Variants in RELCH observed in about 807,000 individuals in gnomAD.
The protein encoded by RELCH is RAB11-binding protein RELCH.
Under a neutral mutation model 150.3 loss-of-function variants are expected in RELCH, and 41 were observed. The ratio of observed to expected loss-of-function variants is 0.27; its 90% CI spans 0.21 to 0.35. RELCH has a LOEUF of 0.35. RELCH is among the 10% of genes least tolerant of loss of function. RELCH has a pLI of 1.00. For synonymous variants in RELCH, 478 were observed against 531.8 expected, an observed-to-expected ratio of 0.90 and a Z score of 1.39; for missense variants, 1,092 against 1,467.8, an observed-to-expected ratio of 0.74 and a Z score of 4.18.
intron 12 of RELCH, among the ~76,000 whole-genome samples, chr18:62,254,107 G>T (rs1205093967): frequency 6.6e-6 from 1 of 151,914 alleles, no homozygotes; most frequent in Non-Finnish European, 1.5e-5. Context: ...TGAATTTTAG[G>T]ATCATTTTTC....
rs1246285113 is a variant in RELCH, at chr18:62,275,357, T to G, written c.2868-17T>G. 6.2e-6 allele frequency: 9 copies of G among 1,453,402 alleles called. No homozygotes were observed. Among genetic ancestry groups the G allele is most frequent in the Non-Finnish European group, 7.5e-6 (8 of 1,072,586 alleles). 90.0% of individuals were successfully genotyped at this position (1,453,402 alleles called of 1,614,324 possible). A position where few individuals can be genotyped will look rare whatever the true frequency, so the allele number is the denominator to read the frequency against. On this transcript the variant is annotated splice_polypyrimidine_tract_variant and intron_variant, in intron 21 of 28. Transcript: ENST00000644646. ...GTGGCTCTCAATTTTAACACTGTTT[T>G]TTTTTTTTTCTTCTAGTGCAAACCC... is the stretch of plus-strand genomic sequence containing the variant.
intron 20 of RELCH, chr18:62,269,424 T>A: frequency 2.3e-6 from 1 of 435,076 alleles, no homozygotes; most frequent in Middle Eastern, 3.5e-4. Context: ...AAGGAGTATT[T>A]GCATATACAT....
At chr18:62,267,434 A>ATGTGTGTGTGTG (rs145946546) in intron 19 of RELCH, among the ~76,000 whole-genome samples, 1 of 143,430 alleles carries the variant, frequency 7.0e-6, no homozygotes, top group Non-Finnish European at 1.5e-5. Context: ...GTATATATGT[A>ATGTGTGTGTGTG]TGTGTGTGTG....
rs539205440 is a variant in RELCH at position 62,196,323 on chromosome 18, G to T, written c.526+8292G>T. On this transcript the variant is annotated intron_variant, in intron 1 of 28. Coordinates refer to ENST00000644646, the MANE Select transcript of RELCH (RefSeq NM_001346231.2). The stretch of plus-strand genomic sequence containing the variant: ...TGGCTCGCTGCAACCTCTGCCTCCT[G>T]GGTTCAAGTGACTCTGGTGCCTCAG... Among the ~76,000 whole-genome samples, 24 of 152,222 alleles carry T rather than the reference G, an allele frequency of 1.6e-4. 1 individual carries two copies. Among genetic ancestry groups the T allele is most frequent in the Admixed American group, 1.0e-3 (16 of 15,298 alleles).
chr18:62,227,195 T>TA (rs35190394), intron 5 of RELCH, 94 bp from the exon 6 acceptor site: 7,310 of 724,664 alleles, frequency 0.01, 1 homozygote, highest in East Asian at 0.018. Flanking sequence ...AAACCGATCT[T>TA]AAAAAAAAAA....
chr18:62,274,176 G>C (rs1296146757), intron 21 of RELCH, 90 bp downstream of exon 21: 3 of 757,470 alleles, frequency 4.0e-6, no homozygotes, highest in Non-Finnish European at 6.7e-6. Context: ...TAAAAGAGTT[G>C]ACATGCACAC....
chr18:62,298,723 CATT>C, intron 27 of RELCH, 64 bp from the exon 28 acceptor site: 1 of 754,142 alleles, frequency 1.3e-6, no homozygotes, highest in Non-Finnish European at 2.2e-6. Context: ...AAAATTAAAA[CATT>C]AGATTAAACC....
Position 62,227,355 on chromosome 18 carries a change from C to T in RELCH, c.925C>T (p.Arg309Trp), listed in dbSNP as rs1395882884. The stretch of plus-strand genomic sequence containing the variant: ...ACCTCCAGACTTATTGCAACTCTAC[C>T]GGGATTTTGGAAATCATCAAGTAAC... ...PKPPDLLQLY[R>W]DFGNHQVTGK... Residue 309 changes from arginine to tryptophan, a missense_variant, in exon 6 of 29, where the codon CGG (arginine) becomes TGG (tryptophan). Transcript: ENST00000644646. The T allele has an allele frequency of 2.5e-6, 4 of 1,612,060 alleles. No individual in the cohort carries two copies. The highest frequency in any genetic ancestry group is 3.4e-6 in the Non-Finnish European group (4 of 1,178,698).
intron 20 of RELCH, among the ~76,000 whole-genome samples, chr18:62,271,427 T>C (rs1365943392): frequency 2.0e-5 from 3 of 147,652 alleles, no homozygotes; most frequent in African/African-American, 8.1e-5. Flanking sequence ...CACACACTTT[T>C]TGATGGGGTT....
chr18:62,273,460 G>A (rs574604698), intron 20 of RELCH, among the ~76,000 whole-genome samples: 1 of 152,028 alleles, frequency 6.6e-6, no homozygotes, highest in African/African-American at 2.4e-5. Context: ...TCTACAACGG[G>A]GTAACTATTC....
intron 20 of RELCH, among the ~76,000 whole-genome samples, chr18:62,273,050 G>C (rs184043806): frequency 1.3e-5 from 2 of 150,964 alleles, no homozygotes; most frequent in East Asian, 3.9e-4. Context: ...AAAAAAAAAG[G>C]ATAGGTGGTA....
chr18:62,262,290 C>A (rs1001891936), intron 16 of RELCH, among the ~76,000 whole-genome samples: 1 of 151,978 alleles, frequency 6.6e-6, no homozygotes, highest in African/African-American at 2.4e-5. Context: ...CCCTGTTGCA[C>A]CTTAACGTCC....
At chr18:62,230,740 T>G (rs2041517158) in intron 8 of RELCH, among the ~76,000 whole-genome samples, 1 of 152,092 alleles carries the variant, frequency 6.6e-6, no homozygotes, top group South Asian at 2.1e-4. Context: ...ATATTCAGAT[T>G]TATCATTAGC....
Position 62,275,375 on chromosome 18 carries a change from G to C in RELCH, c.2869G>C (p.Ala957Pro). Residue 957 changes from alanine to proline, a missense_variant and splice_region_variant, in exon 22 of 29, where the codon GCA becomes CCA. Coordinates refer to ENST00000644646, the MANE Select transcript of RELCH (RefSeq NM_001346231.2). ...ACTGTTTTTTTTTTTTTCTTCTAGT[G>C]CAAACCCAGCCTACCATGAGTTACT... ...SLKASFVELG[A>P]NPAYHELLLT... The C allele has an allele frequency of 6.7e-7, 1 of 1,492,408 alleles. No individual in the cohort carries two copies. Among genetic ancestry groups the C allele is most frequent in the Non-Finnish European group, 9.0e-7 (1 of 1,116,870 alleles). The allele number at this position is 1,492,408 out of a possible 1,614,324, so 92.4% of individuals were successfully genotyped here.
intron 7 of RELCH, 144 bp from the exon 8 acceptor site, chr18:62,228,161 T>C (rs1355431002): frequency 3.1e-6 from 2 of 647,692 alleles, no homozygotes; most frequent in Non-Finnish European, 5.2e-6. Flanking sequence ...GAATATTGCA[T>C]AAAAAAGATT....
intron 28 of RELCH, among the ~76,000 whole-genome samples, chr18:62,299,181 A>C (rs1020600146): frequency 2.6e-5 from 4 of 152,246 alleles, no homozygotes; most frequent in African/African-American, 9.6e-5. Flanking sequence ...CACCAGTCAA[A>C]AGAATGTCTA....
chr18:62,282,580 G>A (rs1028226100), intron 25 of RELCH, 136 bp downstream of exon 25: 3 of 764,426 alleles, frequency 3.9e-6, no homozygotes, highest in Admixed American at 2.5e-5. Flanking sequence ...AAAGCCTTGT[G>A]TACTCTTGTG....
chr18:62,213,599 G>A (rs369314437), intron 2 of RELCH, among the ~76,000 whole-genome samples: 3 of 151,856 alleles, frequency 2.0e-5, no homozygotes, highest in Non-Finnish European at 4.4e-5. Context: ...GCATGGTTGC[G>A]TGTGCCTGCA....
chr18:62,273,023 C>A (rs1490018244), intron 20 of RELCH, among the ~76,000 whole-genome samples: 1 of 150,980 alleles, frequency 6.6e-6, no homozygotes, highest in African/African-American at 2.4e-5. Flanking sequence ...TCTTAACTAA[C>A]CTGATTATGT....
Sources: gnomAD v4.1 joint callset for allele counts (sites outside exome capture counted in the v4.1 genomes callset) on GRCh38, gnomAD v4.1.1 for gene constraint, MANE v1.5 for transcripts, NCBI Gene and HGNC (gene_info 2026-07-23, HGNC 2026-07-21) for gene names.